The following RAB11FIP2 variants were observed in gnomAD, a reference collection of about 807,000 sequenced individuals.
The protein encoded by RAB11FIP2 is rab11 family-interacting protein 2.
Under a neutral mutation model 40.9 loss-of-function variants are expected in RAB11FIP2, and 16 were observed. The observed-to-expected ratio is 0.39, with a 90% CI of 0.26 to 0.59. The LOEUF (loss-of-function observed/expected upper bound fraction) is 0.59, where lower values mean the gene tolerates loss of function less well. Among genes scored for constraint, RAB11FIP2 ranks in the 20% least tolerant of loss-of-function variants. The probability of loss-of-function intolerance (pLI) is 0.53; values close to 1 mark genes in which losing one functional copy is unlikely to be tolerated. For synonymous variants in RAB11FIP2, 228 were observed against 213.7 expected, an observed-to-expected ratio of 1.07 and a Z score of -0.58; for missense variants, 532 against 606.2, an observed-to-expected ratio of 0.88 and a Z score of 1.28.
intron 3 of RAB11FIP2, among the ~76,000 whole-genome samples, chr10:118,028,375 G>T (rs1388189687): frequency 6.6e-6 from 1 of 151,494 alleles, no homozygotes; most frequent in African/African-American, 2.4e-5. Flanking sequence ...CAAAGACCAA[G>T]AATTAATCCT....
rs189598137 is a variant in RAB11FIP2 at position 118,014,056 on chromosome 10, C to T, written c.1311+1009G>A. On this transcript the variant is annotated intron_variant, in intron 4 of 4. Coordinates refer to ENST00000355624, the MANE Select transcript of RAB11FIP2 (RefSeq NM_014904.3). Reference sequence around the variant, plus strand: ...TTATAAAACATCAAAACTTACGAATCGTTTAAATAAAACAGCAAAAACACA... The same window carrying T: ...TTATAAAACATCAAAACTTACGAATTGTTTAAATAAAACAGCAAAAACACA... Among the ~76,000 whole-genome samples, 31 of 152,158 alleles carry T rather than the reference C, an allele frequency of 2.0e-4. No individual in the cohort carries two copies. In the South Asian group the frequency reaches 3.3e-3, roughly 16 times the overall value.
At chr10:118,019,786 A>G (rs887608403) in intron 3 of RAB11FIP2, among the ~76,000 whole-genome samples, 7 of 151,518 alleles carry the variant, frequency 4.6e-5, no homozygotes, top group African/African-American at 1.5e-4. Flanking sequence ...AGATCGCGCC[A>G]CTGCACTCCA....
intron 3 of RAB11FIP2, among the ~76,000 whole-genome samples, chr10:118,015,312 A>G (rs901047472): frequency 6.6e-5 from 10 of 152,238 alleles, no homozygotes; most frequent in African/African-American, 2.4e-4. Context: ...CAAACTTTGA[A>G]GGAAAACTTT....
At chr10:118,032,389 T>C (rs1248632063) in intron 3 of RAB11FIP2, among the ~76,000 whole-genome samples, 1 of 149,240 alleles carries the variant, frequency 6.7e-6, no homozygotes, top group African/African-American at 2.4e-5. Context: ...AGGGTGTGTG[T>C]GTGTGCATTA....
intron 3 of RAB11FIP2, among the ~76,000 whole-genome samples, chr10:118,015,826 T>C (rs1441295872): frequency 6.6e-6 from 1 of 152,204 alleles, no homozygotes. Flanking sequence ...TGAGTAAATA[T>C]TTCATCGGTG....
chr10:118,023,076 T>G (rs1846300423), intron 3 of RAB11FIP2, among the ~76,000 whole-genome samples: 1 of 152,258 alleles, frequency 6.6e-6, no homozygotes, highest in Admixed American at 6.5e-5. Context: ...TTCAAACTGG[T>G]GGACTGCCAA....
rs778880042 is a variant in RAB11FIP2 at position 118,046,145 on chromosome 10, C to G, written c.19G>C (p.Ala7Pro). ...ACGTGGGTTGGAAACCACTTTTGGG[C>G]TTGCTCGGACAGCATCATCCTGTCC... MMLSEQ[A>P]QKWFPTHVQV... The change falls in exon 1 of 5, where the codon GCC becomes CCC. Residue 7 changes from alanine to proline, a missense_variant. Coordinates refer to ENST00000355624, the MANE Select transcript of RAB11FIP2 (RefSeq NM_014904.3). 6.2e-7 allele frequency: 1 copy of G among 1,613,868 alleles called. No individual in the cohort carries two copies. The highest frequency in any genetic ancestry group is 8.5e-7 in the Non-Finnish European group (1 of 1,179,888).
In RAB11FIP2 at chr10:118,008,914, T is replaced by G; in HGVS notation, c.*84A>C. 1.8e-6 allele frequency: 2 copies of G among 1,090,134 alleles called. No individual in the cohort carries two copies. Among genetic ancestry groups the G allele is most frequent in the South Asian group, 2.9e-5 (2 of 68,604 alleles). The allele number at this position is 1,090,134 out of a possible 1,614,324, so 67.5% of individuals were successfully genotyped here. A position where few individuals can be genotyped will look rare whatever the true frequency, so the allele number is the denominator to read the frequency against. Reference sequence around the variant, plus strand: ...TATGTAATGAAACCTGATAGTGTAGTCTCTTTCAGTAACAAGTTTTTCCTT... The same window carrying G: ...TATGTAATGAAACCTGATAGTGTAGGCTCTTTCAGTAACAAGTTTTTCCTT... On this transcript the variant is annotated 3_prime_UTR_variant, in exon 5 of 5. Transcript: ENST00000355624.
intron 3 of RAB11FIP2, among the ~76,000 whole-genome samples, chr10:118,033,780 C>A (rs1003260505): frequency 6.6e-6 from 1 of 152,108 alleles, no homozygotes; most frequent in Admixed American, 6.6e-5. Flanking sequence ...TTGACTAGGG[C>A]TTTCTTAAAC....
chr10:118,035,506 G>A (rs374984603), intron 3 of RAB11FIP2, among the ~76,000 whole-genome samples: 15 of 152,232 alleles, frequency 9.9e-5, no homozygotes, highest in African/African-American at 3.1e-4. Flanking sequence ...GGAGGCTAAC[G>A]GAATGAGAGT....
At position 118,009,202 on chromosome 10, in the gene RAB11FIP2, A is replaced by G; in HGVS notation, c.1335T>C (p.Thr445=). ...CATAGGTCAGACTACGATACCCTGC[A>G]GTGGCATCAAAGGGGTTGCTGTCCT... ...KIPDSNPFDA[T]AGYRSLTYEE... Residue 445 remains threonine (T), a synonymous_variant, in exon 5 of 5, where the codon ACT becomes ACC. Transcript: ENST00000355624. 6.2e-7 allele frequency: 1 copy of G among 1,613,248 alleles called. No homozygotes were observed. The highest frequency in any genetic ancestry group is 8.5e-7 in the Non-Finnish European group (1 of 1,179,338).
chr10:118,035,505 C>T (rs574495706), intron 3 of RAB11FIP2, among the ~76,000 whole-genome samples: 1 of 152,138 alleles, frequency 6.6e-6, no homozygotes, highest in Non-Finnish European at 1.5e-5. Context: ...AGGAGGCTAA[C>T]GGAATGAGAG....
intron 3 of RAB11FIP2, among the ~76,000 whole-genome samples, chr10:118,038,625 C>T (rs1846512145): frequency 6.6e-6 from 1 of 152,026 alleles, no homozygotes; most frequent in African/African-American, 2.4e-5. Context: ...TCCCTAGAAA[C>T]ATTATCACCT....
chr10:118,045,306 T>C (rs1846614176), intron 1 of RAB11FIP2: 1 of 154,536 alleles, frequency 6.5e-6, no homozygotes, highest in African/African-American at 2.4e-5. Flanking sequence ...ACACTGACCC[T>C]GAAAAATGGC....
intron 3 of RAB11FIP2, among the ~76,000 whole-genome samples, chr10:118,027,880 C>T (rs908059167): frequency 3.3e-5 from 5 of 152,122 alleles, no homozygotes; most frequent in African/African-American, 9.7e-5. Context: ...CATGCCCCAA[C>T]TTACAAAATG....
chr10:118,010,306 C>T (rs932971098), intron 4 of RAB11FIP2, among the ~76,000 whole-genome samples: 2 of 152,002 alleles, frequency 1.3e-5, no homozygotes, highest in African/African-American at 4.8e-5. Flanking sequence ...AAAACATTTC[C>T]ATTTGGCTTT....
intron 3 of RAB11FIP2, among the ~76,000 whole-genome samples, chr10:118,026,017 T>C (rs1846338494): frequency 6.6e-6 from 1 of 152,226 alleles, no homozygotes; most frequent in Admixed American, 6.5e-5. Flanking sequence ...GTGCATCCTT[T>C]GTATCAGAGT....
At chr10:118,019,781 G>C (rs563339115) in intron 3 of RAB11FIP2, among the ~76,000 whole-genome samples, 4 of 150,794 alleles carry the variant, frequency 2.7e-5, no homozygotes, top group African/African-American at 7.3e-5. Context: ...AGCCGAGATC[G>C]CGCCACTGCA....
intron 3 of RAB11FIP2, among the ~76,000 whole-genome samples, chr10:118,032,554 T>C (rs1846427369): frequency 6.6e-6 from 1 of 152,078 alleles, no homozygotes; most frequent in Non-Finnish European, 1.5e-5. Context: ...AGTTGTCTAA[T>C]TTAAGTACGC....
Sources: gnomAD v4.1 joint callset for allele counts (sites outside exome capture counted in the v4.1 genomes callset) on GRCh38, gnomAD v4.1.1 for gene constraint, MANE v1.5 for transcripts, NCBI Gene and HGNC (gene_info 2026-07-23, HGNC 2026-07-21) for gene names.